The following PTPN22 variants were observed in gnomAD, a reference collection of about 807,000 sequenced individuals.
PTPN22 encodes the protein protein tyrosine phosphatase non-receptor type 22.
PTPN22 carries 85 observed loss-of-function variants against 103.3 expected under a neutral mutation model. The ratio of observed to expected loss-of-function variants is 0.82; its 90% CI spans 0.69 to 0.99. The LOEUF is 0.99. Among genes scored for constraint, PTPN22 ranks in the 50% least tolerant of loss-of-function variants. PTPN22 has a pLI of 0.00. For missense variants in PTPN22, 865 were observed against 936.9 expected, an observed-to-expected ratio of 0.92 and a Z score of 1.00; for synonymous variants, 323 against 310.2, an observed-to-expected ratio of 1.04 and a Z score of -0.43.
Position 113,867,479 on chromosome 1 carries a change from T to C in PTPN22, c.87+4058A>G, listed in dbSNP as rs188767396. 1.2e-3 allele frequency among the ~76,000 whole-genome samples: 186 copies of C among 152,138 alleles called. 2 individuals carry two copies. The highest frequency in any genetic ancestry group is 4.1e-3 in the African/African-American group (172 of 41,496). On this transcript the variant is annotated intron_variant, in intron 1 of 20. Coordinates refer to ENST00000359785, the Ensembl canonical transcript of PTPN22. ...TATTTCACAGGGTTTTCTTAAGGAGTAGTAAATAAGAAAATGAATGTTGAT... is the reference window on the plus strand; with the variant it reads ...TATTTCACAGGGTTTTCTTAAGGAGCAGTAAATAAGAAAATGAATGTTGAT...
chr1:113,851,980 G>A (rs1664605973), intron 10 of PTPN22, 47 bp downstream of exon 10: 1 of 1,449,090 alleles, frequency 6.9e-7, no homozygotes, highest in Non-Finnish European at 9.6e-7. Flanking sequence ...TAAACAGATG[G>A]AGCAAGACTC....
chr1:113,861,657 G>T (rs368206561), intron 1 of PTPN22, among the ~76,000 whole-genome samples: 3 of 150,666 alleles, frequency 2.0e-5, no homozygotes, highest in East Asian at 2.0e-4. Flanking sequence ...GGGATTATAG[G>T]CATGAGCCAC....
chr1:113,862,874 G>C (rs562333328), intron 1 of PTPN22, among the ~76,000 whole-genome samples: 27 of 152,276 alleles, frequency 1.8e-4, no homozygotes, highest in Non-Finnish European at 2.9e-4. Context: ...GTAATCAGGA[G>C]AACTACCAGT....
exon 21 of PTPN22, chr1:113,814,742 G>A: frequency 1.7e-6 from 1 of 605,618 alleles, no homozygotes; most frequent in Middle Eastern, 4.3e-4. Flanking sequence ...TGCAAAACTG[G>A]CACTTATTGG....
At chr1:113,847,236 CT>C (rs34578333) in intron 11 of PTPN22, among the ~76,000 whole-genome samples, 51,141 of 101,318 alleles carry the variant, frequency 0.5, 11,869 homozygotes, top group South Asian at 0.62. Flanking sequence ...TGCTGAGACT[CT>C]TTTTTTTTTT....
intron 11 of PTPN22, among the ~76,000 whole-genome samples, chr1:113,845,009 G>C (rs1470715725): frequency 6.6e-6 from 1 of 151,856 alleles, no homozygotes; most frequent in East Asian, 1.9e-4. Flanking sequence ...GTAGAGACGG[G>C]GGTCCCCCTG....
rs1662563550 is a variant in PTPN22, at chr1:113,831,682, A to G, written c.2053+1429T>C. 2.0e-5 allele frequency among the ~76,000 whole-genome samples: 3 copies of G among 151,978 alleles called. No individual in the cohort carries two copies. In the South Asian group the frequency reaches 6.2e-4, roughly 31 times the overall value. ...ATTCCCTCCTTTTTTCTCTCTGTCT[A>G]TACAAATTATTTAAAGTTCTTTCTT... is the stretch of plus-strand genomic sequence containing the variant. On this transcript the variant is annotated intron_variant, in intron 16 of 20. Transcript: ENST00000359785.
intron 18 of PTPN22, among the ~76,000 whole-genome samples, chr1:113,828,001 A>G (rs980571457): frequency 6.6e-5 from 10 of 152,218 alleles, no homozygotes; most frequent in African/African-American, 2.4e-4. Flanking sequence ...TTCATTATGA[A>G]TGAAATTGAA....
chr1:113,826,970 G>A (rs1006401896), intron 18 of PTPN22, among the ~76,000 whole-genome samples: 1 of 152,044 alleles, frequency 6.6e-6, no homozygotes, highest in Admixed American at 6.6e-5. Context: ...CGCCCGGCCT[G>A]GAGTCTCTAA....
Position 113,825,158 on chromosome 1 carries a change from CA to C in PTPN22, c.2264del (p.Leu755CysfsTer4). On this transcript the variant is annotated frameshift_variant, in exon 19 of 21. Coordinates refer to ENST00000359785, the Ensembl canonical transcript of PTPN22. LOFTEE classifies it high-confidence loss of function. ...CCAACTTACTCTTTTTCATGTTTCG[CA>C]AAATTTTCAAACTCTACAAAAGAAA... The C allele has an allele frequency of 6.6e-7, 1 of 1,503,768 alleles. No homozygotes were observed. Among genetic ancestry groups the C allele is most frequent in the Non-Finnish European group, 9.1e-7 (1 of 1,099,328 alleles). The allele number at this position is 1,503,768 out of a possible 1,614,324, so 93.2% of individuals were successfully genotyped here.
exon 14 of PTPN22, chr1:113,834,924 A>G: frequency 1.9e-6 from 3 of 1,576,202 alleles, no homozygotes; most frequent in East Asian, 2.4e-5. Context: ...TTCCTCAACC[A>G]CAATAAATGA....
intron 19 of PTPN22, among the ~76,000 whole-genome samples, chr1:113,822,145 T>C (rs879464648): frequency 2.0e-5 from 3 of 152,226 alleles, no homozygotes; most frequent in Admixed American, 2.0e-4. Context: ...ATTTGGACCA[T>C]TGTTACAAGC....
At chr1:113,864,205 G>T (rs1408488779) in intron 1 of PTPN22, 1 of 447,880 alleles carries the variant, frequency 2.2e-6, no homozygotes, top group African/African-American at 2.0e-5. Context: ...TACAATAGAA[G>T]ATTTGATCTA....
intron 7 of PTPN22, 105 bp downstream of exon 7, chr1:113,856,277 C>T (rs1040775440): frequency 2.1e-6 from 3 of 1,395,608 alleles, no homozygotes; most frequent in Admixed American, 2.9e-5. Flanking sequence ...ATCAAAGACC[C>T]TACCACTTCC....
At chr1:113,834,460 T>G in intron 14 of PTPN22, 21 bp from the exon 15 acceptor site, 1 of 1,604,186 alleles carries the variant, frequency 6.2e-7, no homozygotes, top group Non-Finnish European at 8.5e-7. Context: ...GTGAATATAG[T>G]TCGGTTCTTA....
intron 1 of PTPN22, among the ~76,000 whole-genome samples, chr1:113,860,065 G>C (rs1287653686): frequency 1.3e-5 from 2 of 150,336 alleles, no homozygotes; most frequent in African/African-American, 2.5e-5. Context: ...GGGCTCAGGT[G>C]ATTCTTCCAC....
intron 11 of PTPN22, among the ~76,000 whole-genome samples, chr1:113,840,373 G>T (rs1234096690): frequency 6.6e-6 from 1 of 152,106 alleles, no homozygotes; most frequent in Non-Finnish European, 1.5e-5. Flanking sequence ...AAAACGAGTT[G>T]CATTTCTATA....
chr1:113,849,622 G>GT (rs1417555608), intron 10 of PTPN22, among the ~76,000 whole-genome samples: 8 of 148,432 alleles, frequency 5.4e-5, no homozygotes, highest in Non-Finnish European at 1.2e-4. Flanking sequence ...CGGTCTCACC[G>GT]TGTTGCCCAG....
Position 113,853,302 on chromosome 1 carries a change from G to A in PTPN22, c.750+1169C>T, listed in dbSNP as rs1306157739. On this transcript the variant is annotated intron_variant, in intron 9 of 20. Coordinates refer to ENST00000359785, the Ensembl canonical transcript of PTPN22. The stretch of plus-strand genomic sequence containing the variant: ...GGCAACAGTAGAACAGTGATATCCA[G>A]TAAAATATAATGTGAGCCACATATG... Among the ~76,000 whole-genome samples the A allele has an allele frequency of 2.0e-5, 3 of 151,164 alleles. No homozygotes were observed. The East Asian group carries it at 5.9e-4, about 30-fold the overall frequency.
Sources: allele counts gnomAD v4.1 joint callset (sites outside exome capture counted in the v4.1 genomes callset), GRCh38; gene constraint gnomAD v4.1.1; transcripts MANE v1.5; gene names NCBI Gene and HGNC (gene_info 2026-07-23, HGNC 2026-07-21).